Variants in FRY observed in about 807,000 individuals in gnomAD.
The protein encoded by FRY is FRY microtubule binding protein, also known as protein furry homolog.
FRY carries 128 observed loss-of-function variants against 348.4 expected under a neutral mutation model. The observed-to-expected ratio is 0.37, with a 90% CI of 0.32 to 0.43. The LOEUF is 0.43. FRY is among the 20% of genes least tolerant of loss of function. FRY has a pLI of 1.00. For synonymous variants in FRY, 1,370 were observed against 1,374.7 expected, an observed-to-expected ratio of 1.00 and a Z score of 0.08; for missense variants, 2,736 against 3,695.2, an observed-to-expected ratio of 0.74 and a Z score of 6.73.
At chr13:32,196,779 A>G (rs1304842296) in intron 29 of FRY, among the ~76,000 whole-genome samples, 1 of 152,192 alleles carries the variant, frequency 6.6e-6, no homozygotes, top group East Asian at 1.9e-4. Flanking sequence ...TTCATAAAAC[A>G]TGTTAATATA....
At chr13:32,183,079 A>G in intron 24 of FRY, 45 bp downstream of exon 24, 1 of 1,176,762 alleles carries the variant, frequency 8.5e-7, no homozygotes, top group Non-Finnish European at 1.3e-6. Flanking sequence ...TTTTTGGACA[A>G]TCATCTGAAT....
chr13:32,081,318 T>C (rs1336567802), intron 2 of FRY, among the ~76,000 whole-genome samples: 3 of 152,132 alleles, frequency 2.0e-5, no homozygotes, highest in Non-Finnish European at 4.4e-5. Context: ...TCTAATCAGT[T>C]TTTAGTATTA....
chr13:32,146,854 G>A (rs1186988108), intron 11 of FRY, among the ~76,000 whole-genome samples: 2 of 152,120 alleles, frequency 1.3e-5, no homozygotes, highest in Non-Finnish European at 2.9e-5. Flanking sequence ...AATAAATATT[G>A]GAGGGTAATC....
At chr13:32,284,633 G>C (rs889214651) in intron 58 of FRY, among the ~76,000 whole-genome samples, 8 of 152,182 alleles carry the variant, frequency 5.3e-5, no homozygotes, top group African/African-American at 1.9e-4. Context: ...CAAAGATAAT[G>C]CCATAGCCAT....
At chr13:32,143,913 G>A (rs1443880324) in intron 11 of FRY, among the ~76,000 whole-genome samples, 1 of 152,040 alleles carries the variant, frequency 6.6e-6, no homozygotes, top group Admixed American at 6.6e-5. Flanking sequence ...CACAGACAGG[G>A]AAAATCAGAC....
chr13:32,175,992 A>G (rs1882337024), intron 20 of FRY, among the ~76,000 whole-genome samples: 1 of 152,138 alleles, frequency 6.6e-6, no homozygotes, highest in African/African-American at 2.4e-5. Context: ...GGTACTTTAT[A>G]GTTTACAGAG....
chr13:32,038,118 T>C (rs1386124003), intron 1 of FRY, among the ~76,000 whole-genome samples: 1 of 152,218 alleles, frequency 6.6e-6, no homozygotes, highest in Non-Finnish European at 1.5e-5. Flanking sequence ...TAAATGCTCC[T>C]GGTTTAGAAT....
At chr13:32,266,031 T>A (rs900180810) in intron 54 of FRY, among the ~76,000 whole-genome samples, 2 of 151,938 alleles carry the variant, frequency 1.3e-5, no homozygotes, top group African/African-American at 4.8e-5. Context: ...GCCTGGTGGC[T>A]GATATTTCTG....
intron 58 of FRY, among the ~76,000 whole-genome samples, chr13:32,284,048 C>G (rs1482975725): frequency 6.6e-6 from 1 of 152,172 alleles, no homozygotes; most frequent in African/African-American, 2.4e-5. Flanking sequence ...CCCCTTATAG[C>G]TAATTAACAT....
chr13:32,263,433 T>G (rs543540762), intron 53 of FRY, among the ~76,000 whole-genome samples: 83 of 152,222 alleles, frequency 5.5e-4, no homozygotes, highest in Non-Finnish European at 7.4e-4. Flanking sequence ...CTAAAAATAT[T>G]GAAGCTTAAA....
intron 29 of FRY, among the ~76,000 whole-genome samples, chr13:32,196,670 G>A (rs2138307171): frequency 6.6e-6 from 1 of 152,180 alleles, no homozygotes; most frequent in Middle Eastern, 3.4e-3. Context: ...GTGATATTAG[G>A]AGATAGAAAG....
At chr13:32,219,433 G>T (rs1244687152) in intron 36 of FRY, among the ~76,000 whole-genome samples, 2 of 147,576 alleles carry the variant, frequency 1.4e-5, no homozygotes, top group Non-Finnish European at 3.0e-5. Context: ...TGCAGCTGGG[G>T]AAAATACACT....
chr13:32,186,532 TA>T, intron 27 of FRY, 112 bp downstream of exon 27: 1 of 770,810 alleles, frequency 1.3e-6, no homozygotes, highest in Non-Finnish European at 2.2e-6. Flanking sequence ...TATCATAGAA[TA>T]AAATCTAAGC....
At chr13:32,214,919 C>T (rs988376528) in intron 35 of FRY, among the ~76,000 whole-genome samples, 6 of 152,148 alleles carry the variant, frequency 3.9e-5, no homozygotes, top group African/African-American at 7.2e-5. Context: ...ACAAAATGAC[C>T]GCCTTGGCAC....
chr13:32,095,337 C>CTTTTT lies in FRY; in HGVS notation c.271-6602_271-6598dup, dbSNP rs61006034. Among the ~76,000 whole-genome samples the CTTTTT allele has an allele frequency of 6.2e-4, 36 of 58,344 alleles. 9 individuals are homozygous for CTTTTT. Among genetic ancestry groups the CTTTTT allele is most frequent in the Non-Finnish European group, 9.1e-4 (31 of 34,070 alleles). The allele number at this position is 58,344 out of a possible 152,430, so 38.3% of individuals were successfully genotyped here. A position where few individuals can be genotyped will look rare whatever the true frequency, so the allele number is the denominator to read the frequency against. On this transcript the variant is annotated intron_variant, in intron 2 of 60. Transcript: ENST00000542859. The stretch of plus-strand genomic sequence containing the variant: ...GATTGTTTCCTTTGCTGTATGGAAG[C>CTTTTT]TTTTTTTTTTTTTTTTTTTTTTTTT...
In FRY at chr13:32,237,652, C is replaced by T. The variant is rs766987749; in HGVS notation, c.6084C>T (p.Leu2028=). 7 of 1,614,178 alleles carry T rather than the reference C, an allele frequency of 4.3e-6. No individual in the cohort carries two copies. The Admixed American group carries it at 1.2e-4, about 27-fold the overall frequency. The change falls in exon 44 of 61, where the codon CTC becomes CTT. Residue 2028 remains leucine (L), a synonymous_variant. Transcript: ENST00000542859. The surrounding 1 kb of genome is among the most constrained non-coding windows in gnomAD (Gnocchi z 6.3). ...TRSSSSLKDS[L]TDPSHINHPT... is the part of the protein sequence containing the mutation. Reference sequence around the variant, plus strand: ...GCTCATCCTCCTTGAAGGACAGTCTCACGGACCCATCCCACATAAACCATC... The same window carrying T: ...GCTCATCCTCCTTGAAGGACAGTCTTACGGACCCATCCCACATAAACCATC...
At chr13:32,247,628 C>A (rs1886874500) in intron 48 of FRY, 126 bp downstream of exon 48, 1 of 802,132 alleles carries the variant, frequency 1.2e-6, no homozygotes, top group South Asian at 1.5e-5. Flanking sequence ...TTTCTAAGGG[C>A]TAAATTAGGT....
chr13:32,270,571 T>G (rs1196124516), intron 55 of FRY, among the ~76,000 whole-genome samples: 1 of 152,232 alleles, frequency 6.6e-6, no homozygotes. Context: ...ATGGTCATTT[T>G]TATTAGAGTT....
At chr13:32,157,206 G>A in intron 15 of FRY, 67 bp from the exon 16 acceptor site, 1 of 1,446,512 alleles carries the variant, frequency 6.9e-7, no homozygotes, top group Non-Finnish European at 9.7e-7. Context: ...TATTATAGAG[G>A]ATGAATAAAT....
Sources: gnomAD v4.1 joint callset for allele counts (sites outside exome capture counted in the v4.1 genomes callset) on GRCh38, gnomAD v4.1.1 for gene constraint, Gnocchi (gnomAD v3.1) non-coding constraint, MANE v1.5 for transcripts, NCBI Gene and HGNC (gene_info 2026-07-23, HGNC 2026-07-21) for gene names.